Variants in CAPS2 observed in about 807,000 individuals in gnomAD.
The protein encoded by CAPS2 is calcyphosine 2.
A neutral mutation model predicts 86.5 loss-of-function variants in CAPS2; 98 were observed. That is an observed-to-expected ratio of 1.13 (90% confidence interval 0.96 to 1.34). CAPS2 has a LOEUF of 1.34. CAPS2 is among the 40% of genes most tolerant of loss of function. The pLI is 0.00. For missense variants in CAPS2, 729 were observed against 686.8 expected (o/e 1.06, Z -0.69); for synonymous variants, 210 against 225.1 (o/e 0.93, Z 0.60).
chr12:75,323,290 T>G, intron 2 of CAPS2, 68 bp from the exon 4 acceptor site: 1 of 1,260,434 alleles, frequency 7.9e-7, no homozygotes, highest in Non-Finnish European at 1.1e-6. Context: ...AAATCTTATA[T>G]GTTACATGTT....
intron 1 of CAPS2, among the ~76,000 whole-genome samples, chr12:75,337,499 A>G (rs997027639): frequency 2.6e-5 from 4 of 151,946 alleles, no homozygotes; most frequent in African/African-American, 9.6e-5. Flanking sequence ...TAAAGAAAAT[A>G]AATGGACAAA....
intron 1 of CAPS2, chr12:75,371,548 C>A: frequency 3.9e-6 from 1 of 254,378 alleles, no homozygotes; most frequent in Non-Finnish European, 8.1e-6. Flanking sequence ...AAATACACAT[C>A]TCCTGAAATC....
chr12:75,335,611 T>C (rs1030508455), intron 1 of CAPS2, among the ~76,000 whole-genome samples: 8 of 152,142 alleles, frequency 5.3e-5, no homozygotes, highest in African/African-American at 1.7e-4. Flanking sequence ...TTTCTTCTTT[T>C]CTATCCAGTG....
At chr12:75,320,051 T>G (rs1462804713) in intron 5 of CAPS2, among the ~76,000 whole-genome samples, 1 of 152,068 alleles carries the variant, frequency 6.6e-6, no homozygotes, top group African/African-American at 2.4e-5. Flanking sequence ...CATATTAAAC[T>G]TAATAATTTC....
chr12:75,328,858 C>T (rs2041031785), upstream of CAPS2, among the ~76,000 whole-genome samples: 1 of 152,186 alleles, frequency 6.6e-6, no homozygotes, highest in African/African-American at 2.4e-5. Flanking sequence ...AATGACAAAA[C>T]ACAAAAGTGG....
At chr12:75,305,450 TG>T in intron 7 of CAPS2, 1 of 527,672 alleles carries the variant, frequency 1.9e-6, no homozygotes, top group Non-Finnish European at 3.6e-6. Context: ...ACAGACCGGT[TG>T]GAACAAAGTA....
At chr12:75,352,088 A>G (rs1009906425) in intron 1 of CAPS2, among the ~76,000 whole-genome samples, 2 of 152,254 alleles carry the variant, frequency 1.3e-5, no homozygotes, top group African/African-American at 4.8e-5. Flanking sequence ...ACTATGAAGC[A>G]ACTATATAAA....
At chr12:75,292,100 T>C (rs2036070163) in intron 12 of CAPS2, among the ~76,000 whole-genome samples, 2 of 152,158 alleles carry the variant, frequency 1.3e-5, no homozygotes, top group Non-Finnish European at 2.9e-5. Flanking sequence ...AGAGTCTCGC[T>C]CTGTCACCCA....
chr12:75,277,898 G>A, exon 17 of CAPS2: 1 of 832,430 alleles, frequency 1.2e-6, no homozygotes, highest in Non-Finnish European at 1.4e-6. Context: ...TATAATACAT[G>A]TAACTATTAA....
At chr12:75,283,696 C>T (rs1189881577) in intron 15 of CAPS2, among the ~76,000 whole-genome samples, 1 of 152,084 alleles carries the variant, frequency 6.6e-6, no homozygotes, top group Non-Finnish European at 1.5e-5. Flanking sequence ...TGCCTATAAT[C>T]CCAGGTACTT....
chr12:75,308,160 C>T (rs1261627151), intron 7 of CAPS2, among the ~76,000 whole-genome samples: 3 of 152,188 alleles, frequency 2.0e-5, no homozygotes, highest in Admixed American at 2.0e-4. Context: ...TGGTCACTTT[C>T]CATGACCAAT....
chr12:75,338,860 T>A (rs1291362634), intron 1 of CAPS2, among the ~76,000 whole-genome samples: 1 of 152,216 alleles, frequency 6.6e-6, no homozygotes, highest in Non-Finnish European at 1.5e-5. Context: ...TGTTTGGTTT[T>A]CTGTTCCTGC....
intron 6 of CAPS2, among the ~76,000 whole-genome samples, chr12:75,314,135 G>C (rs1245238888): frequency 1.3e-5 from 2 of 152,086 alleles, no homozygotes; most frequent in African/African-American, 4.8e-5. Context: ...GGCCAGGCTG[G>C]TCTCGAACTC....
intron 8 of CAPS2, among the ~76,000 whole-genome samples, chr12:75,300,369 C>T (rs2037617496): frequency 2.6e-5 from 4 of 151,662 alleles, no homozygotes; most frequent in Admixed American, 2.6e-4. Context: ...ATCTGGCTAA[C>T]ACGGTGAAAC....
At chr12:75,282,531 C>T (rs1329938929) in intron 15 of CAPS2, among the ~76,000 whole-genome samples, 184 bp from the exon 16 acceptor site, 2 of 151,982 alleles carry the variant, frequency 1.3e-5, no homozygotes, top group South Asian at 2.1e-4. Flanking sequence ...GGACTACAGG[C>T]GCCCGCCACC....
At chr12:75,304,244 C>G (rs1044215429) in intron 8 of CAPS2, among the ~76,000 whole-genome samples, 1 of 151,956 alleles carries the variant, frequency 6.6e-6, no homozygotes, top group East Asian at 1.9e-4. Flanking sequence ...TATAAAAAAG[C>G]TACTGTGGGT....
At chr12:75,286,973 T>C (rs11615934) in intron 14 of CAPS2, among the ~76,000 whole-genome samples, 43,189 of 151,458 alleles carry the variant, frequency 0.29, 7,557 homozygotes, top group East Asian at 0.44. Flanking sequence ...ATTGTTATGA[T>C]ACAGAAAAAT....
intron 1 of CAPS2, among the ~76,000 whole-genome samples, chr12:75,342,799 T>C (rs987907279): frequency 6.6e-6 from 1 of 152,112 alleles, no homozygotes; most frequent in African/African-American, 2.4e-5. Flanking sequence ...TTCTGGTCCA[T>C]GAACATTTTA....
intron 8 of CAPS2, 49 bp downstream of exon 8, chr12:75,304,708 C>A: frequency 1.5e-6 from 2 of 1,350,158 alleles, no homozygotes; most frequent in Non-Finnish European, 2.0e-6. Flanking sequence ...TTTAAAAATA[C>A]TTTTAGAACA....
Sources: allele counts gnomAD v4.1 joint callset (sites outside exome capture counted in the v4.1 genomes callset), GRCh38; gene constraint gnomAD v4.1.1; transcripts MANE v1.5; gene names NCBI Gene and HGNC (gene_info 2026-07-23, HGNC 2026-07-21).